The following HIPK2 variants were observed in gnomAD, a reference collection of about 807,000 sequenced individuals.
The protein encoded by HIPK2 is homeodomain-interacting protein kinase 2.
HIPK2 carries 27 observed loss-of-function variants against 113.7 expected under a neutral mutation model. The ratio of observed to expected loss-of-function variants is 0.24; its 90% confidence interval spans 0.17 to 0.33. HIPK2 has a LOEUF of 0.33. Ranked by LOEUF, HIPK2 falls within the 10% of genes least tolerant of loss-of-function variation. HIPK2 has a pLI of 1.00. For missense variants in HIPK2, 1,257 were observed against 1,588.0 expected, an observed-to-expected ratio of 0.79 and a Z score of 3.54; for synonymous variants, 631 against 642.2, an observed-to-expected ratio of 0.98 and a Z score of 0.26.
At chr7:139,775,136 T>C (rs982177981) in intron 1 of HIPK2, among the ~76,000 whole-genome samples, 1 of 152,200 alleles carries the variant, frequency 6.6e-6, no homozygotes, top group Non-Finnish European at 1.5e-5. Flanking sequence ...TGCACACTCT[T>C]TAGGAGCTCA....
intron 2 of HIPK2, among the ~76,000 whole-genome samples, chr7:139,663,844 C>G (rs574815060): frequency 2.7e-4 from 41 of 152,332 alleles, no homozygotes; most frequent in Admixed American, 1.7e-3. Flanking sequence ...TTCCTCAATT[C>G]TATCTCCTGC....
intron 1 of HIPK2, among the ~76,000 whole-genome samples, chr7:139,725,069 A>C (rs976847408): frequency 6.6e-6 from 1 of 152,364 alleles, no homozygotes; most frequent in Middle Eastern, 3.4e-3. Context: ...GGTCCTCTAC[A>C]TAAAAAAAGA....
chr7:139,658,037 A>T (rs535477196), intron 2 of HIPK2, among the ~76,000 whole-genome samples: 18 of 150,108 alleles, frequency 1.2e-4, no homozygotes, highest in Admixed American at 1.2e-3. Context: ...CAGCCATAAG[A>T]TGGTAGCAGC....
At chr7:139,639,157 G>A (rs73483700) in intron 2 of HIPK2, among the ~76,000 whole-genome samples, 1,861 of 152,156 alleles carry the variant, frequency 0.012, 35 homozygotes, top group African/African-American at 0.041. Context: ...GAATCTTTGG[G>A]GACTTCAGAC....
In HIPK2 at chr7:139,723,525, G is replaced by T. The variant is rs138402521; in HGVS notation, c.20-6510C>A. Reference sequence around the variant, plus strand: ...CACAGTTTTTTAAAAAATGACATTTGTTAAGGGACTGGCTCATTTAGCATA... The same window carrying T: ...CACAGTTTTTTAAAAAATGACATTTTTTAAGGGACTGGCTCATTTAGCATA... On this transcript the variant is annotated intron_variant, in intron 1 of 14. Coordinates refer to ENST00000406875, the MANE Select transcript of HIPK2 (RefSeq NM_022740.5). Among the ~76,000 whole-genome samples the T allele has an allele frequency of 2.2e-4, 33 of 152,220 alleles. No homozygotes were observed. In the East Asian group the frequency reaches 6.4e-3, roughly 29 times the overall value.
chr7:139,686,606 C>T (rs1199349790), intron 2 of HIPK2, among the ~76,000 whole-genome samples: 5 of 152,190 alleles, frequency 3.3e-5, no homozygotes, highest in South Asian at 2.1e-4. Flanking sequence ...CTTCTCCTTG[C>T]TGCTGCCATG....
At chr7:139,676,586 G>C (rs1436019952) in intron 2 of HIPK2, among the ~76,000 whole-genome samples, 1 of 152,120 alleles carries the variant, frequency 6.6e-6, no homozygotes, top group Non-Finnish European at 1.5e-5. Flanking sequence ...TAGTAGGGAA[G>C]AACAAACAGA....
At chr7:139,590,908 G>A (rs1798997038) in intron 12 of HIPK2, among the ~76,000 whole-genome samples, 1 of 152,170 alleles carries the variant, frequency 6.6e-6, no homozygotes, top group Non-Finnish European at 1.5e-5. Flanking sequence ...ATCGTGTTAT[G>A]AGCATAGCTC....
chr7:139,669,712 T>C (rs553914046), intron 2 of HIPK2, among the ~76,000 whole-genome samples: 1 of 151,934 alleles, frequency 6.6e-6, no homozygotes. Context: ...GAATGTCAGA[T>C]ACTTCACACA....
At chr7:139,677,274 CACACACAT>C (rs1569472035) in intron 2 of HIPK2, among the ~76,000 whole-genome samples, 2 of 151,588 alleles carry the variant, frequency 1.3e-5, no homozygotes, top group Admixed American at 1.3e-4. Flanking sequence ...CACACACACA[CACACACAT>C]ATATACACAT....
intron 2 of HIPK2, among the ~76,000 whole-genome samples, chr7:139,676,109 A>G (rs970411832): frequency 6.6e-6 from 1 of 152,188 alleles, no homozygotes; most frequent in Non-Finnish European, 1.5e-5. Flanking sequence ...GGCAGAGTTC[A>G]GCAAACACTT....
At chr7:139,706,159 G>T (rs2116885702) in intron 2 of HIPK2, among the ~76,000 whole-genome samples, 1 of 152,336 alleles carries the variant, frequency 6.6e-6, no homozygotes, top group East Asian at 1.9e-4. Flanking sequence ...CAAGACAGAT[G>T]TTGGCTGATT....
At chr7:139,769,660 C>A (rs921143951) in intron 1 of HIPK2, among the ~76,000 whole-genome samples, 1 of 152,210 alleles carries the variant, frequency 6.6e-6, no homozygotes, top group East Asian at 1.9e-4. Context: ...TATAGGAATA[C>A]CTCATTTATC....
At chr7:139,668,197 C>T (rs1304998128) in intron 2 of HIPK2, among the ~76,000 whole-genome samples, 7 of 150,894 alleles carry the variant, frequency 4.6e-5, no homozygotes, top group Admixed American at 1.3e-4. Flanking sequence ...TCAACGGTAT[C>T]TTATGCAATA....
chr7:139,699,846 C>A (rs1369746479), intron 2 of HIPK2, among the ~76,000 whole-genome samples: 1 of 152,212 alleles, frequency 6.6e-6, no homozygotes, highest in Non-Finnish European at 1.5e-5. Context: ...GGAGTGAATG[C>A]ACAGATGTGC....
At chr7:139,583,623 A>G in intron 13 of HIPK2, 194 bp downstream of exon 13, 1 of 715,498 alleles carries the variant, frequency 1.4e-6, no homozygotes, top group Non-Finnish European at 2.3e-6. Context: ...AAGAAGGAAA[A>G]CGCTGCTTAT....
intron 2 of HIPK2, among the ~76,000 whole-genome samples, chr7:139,699,082 C>T (rs1320276479): frequency 6.6e-6 from 1 of 152,022 alleles, no homozygotes; most frequent in Non-Finnish European, 1.5e-5. Context: ...GAACAACCTG[C>T]TTGACTGAGG....
intron 2 of HIPK2, among the ~76,000 whole-genome samples, chr7:139,691,427 T>C (rs1419129968): frequency 1.3e-5 from 2 of 152,218 alleles, no homozygotes; most frequent in Admixed American, 6.5e-5. Flanking sequence ...AAGACAATAA[T>C]AGCAGATAGC....
rs1378681849 is a variant in HIPK2, at chr7:139,575,216, G to A, written c.3038C>T (p.Ser1013Phe). 1 of 1,584,526 alleles carries A rather than the reference G, an allele frequency of 6.3e-7. No individual in the cohort carries two copies. Among genetic ancestry groups the A allele is most frequent in the Non-Finnish European group, 8.6e-7 (1 of 1,165,616 alleles). The stretch of plus-strand genomic sequence containing the variant: ...GATGGCTCCAGATGAGCTCCCTGAA[G>A]AGTGACCGCTGGTGGAGGTCACGTT... ...SSNVTSTSGH[S>F]SGSSSGAITY... is the part of the protein sequence containing the mutation. Residue 1013 changes from serine (S) to phenylalanine (F), a missense_variant, in exon 14 of 15, where the codon TCT (serine) becomes TTT (phenylalanine). Ser to Phe is a radical substitution (Grantham distance 155). Around this residue, in one of 5 missense-constraint regions of HIPK2, gnomAD observed 862 missense variants for 1,004.3 expected, o/e 0.86. Transcript: ENST00000406875.
Sources: gnomAD v4.1 joint callset for allele counts (sites outside exome capture counted in the v4.1 genomes callset) on GRCh38, gnomAD v4.1.1 for gene constraint, gnomAD v4.1.1 regional missense constraint, MANE v1.5 for transcripts, NCBI Gene and HGNC (gene_info 2026-07-23, HGNC 2026-07-21) for gene names.